GPC5: variants seen among roughly 807,000 people sequenced by gnomAD.
GPC5 encodes the protein glypican 5, also known as glypican-5.
Under a neutral mutation model 53.9 loss-of-function variants are expected in GPC5, and 47 were observed. The ratio of observed to expected loss-of-function variants is 0.87; its 90% CI spans 0.69 to 1.11. The LOEUF (loss-of-function observed/expected upper bound fraction) is 1.11. Ranked by LOEUF, GPC5 falls within the 50% of genes most tolerant of loss-of-function variation. GPC5 has a pLI of 0.00. For synonymous variants in GPC5, 286 were observed against 263.3 expected (o/e 1.09, Z -0.84); for missense variants, 748 against 713.1 (o/e 1.05, Z -0.56).
At chr13:91,416,098 G>C (rs1249980315) in intron 1 of GPC5, among the ~76,000 whole-genome samples, 3 of 152,002 alleles carry the variant, frequency 2.0e-5, no homozygotes, top group African/African-American at 4.8e-5. Flanking sequence ...CAGTGTAGCA[G>C]AGGTGGGAGG....
At chr13:92,039,861 C>T (rs1488421741) in intron 6 of GPC5, among the ~76,000 whole-genome samples, 1 of 152,082 alleles carries the variant, frequency 6.6e-6, no homozygotes, top group Non-Finnish European at 1.5e-5. Context: ...CCTTAATTAC[C>T]TCTTTAAAGG....
chr13:92,584,949 C>A (rs1019123990), intron 7 of GPC5, among the ~76,000 whole-genome samples: 2 of 152,108 alleles, frequency 1.3e-5, no homozygotes, highest in Non-Finnish European at 2.9e-5. Flanking sequence ...GGTTTGGGAA[C>A]CTCCACCTAG....
chr13:91,478,466 A>G (rs1025288453), intron 2 of GPC5, among the ~76,000 whole-genome samples: 18 of 151,816 alleles, frequency 1.2e-4, no homozygotes, highest in Admixed American at 1.1e-3. Flanking sequence ...TATATATGCT[A>G]TTTATTTTGT....
At chr13:91,876,609 A>G (rs2039205011) in intron 5 of GPC5, among the ~76,000 whole-genome samples, 1 of 152,230 alleles carries the variant, frequency 6.6e-6, no homozygotes, top group Non-Finnish European at 1.5e-5. Flanking sequence ...CAAAGCATTC[A>G]AGATGTGACT....
At chr13:92,242,395 G>T (rs1375156125) in intron 7 of GPC5, among the ~76,000 whole-genome samples, 1 of 152,024 alleles carries the variant, frequency 6.6e-6, no homozygotes, top group Non-Finnish European at 1.5e-5. Flanking sequence ...ATTTTGACAT[G>T]CATTTATCTA....
intron 2 of GPC5, among the ~76,000 whole-genome samples, chr13:91,681,353 C>T (rs2035504572): frequency 6.6e-6 from 1 of 152,178 alleles, no homozygotes; most frequent in Non-Finnish European, 1.5e-5. Context: ...CTAGGAGACT[C>T]TGAATGTTGA....
At chr13:91,410,540 G>C (rs893551155) in intron 1 of GPC5, among the ~76,000 whole-genome samples, 2 of 151,398 alleles carry the variant, frequency 1.3e-5, no homozygotes, top group Non-Finnish European at 2.9e-5. Flanking sequence ...TAGAGACGGG[G>C]TTTCACTGTG....
At chr13:92,554,973 C>G (rs1394360402) in intron 7 of GPC5, among the ~76,000 whole-genome samples, 7 of 148,632 alleles carry the variant, frequency 4.7e-5, no homozygotes, top group African/African-American at 1.7e-4. Context: ...TGTTCTGGCA[C>G]TGTTTAAAAT....
chr13:91,399,272 G>T, intron 1 of GPC5, 63 bp downstream of exon 1: 1 of 1,556,298 alleles, frequency 6.4e-7, no homozygotes, highest in Non-Finnish European at 8.7e-7. Flanking sequence ...GCTCCCCCAG[G>T]CTCCCTTGGT....
chr13:91,992,317 G>A (rs1187853865), intron 6 of GPC5, among the ~76,000 whole-genome samples: 1 of 152,140 alleles, frequency 6.6e-6, no homozygotes. Flanking sequence ...ATAGGTGCAA[G>A]CCACCATGCT....
chr13:91,827,748 G>C (rs2038596227), intron 5 of GPC5, among the ~76,000 whole-genome samples: 1 of 152,022 alleles, frequency 6.6e-6, no homozygotes, highest in South Asian at 2.1e-4. Flanking sequence ...TTGAAGTTTA[G>C]AATGATATAA....
intron 7 of GPC5, among the ~76,000 whole-genome samples, chr13:92,418,016 A>C (rs1876389886): frequency 6.6e-6 from 1 of 152,358 alleles, no homozygotes; most frequent in East Asian, 1.9e-4. Context: ...AACATGGATG[A>C]ATCTTGAAAA....
chr13:91,688,675 G>T lies in GPC5; in HGVS notation c.326-4512G>T, dbSNP rs554672393. ...GAGAAATACATCATTAGACAATTTC[G>T]CCATTGTGCAAATATAACAGACTAT... On this transcript the variant is annotated intron_variant, in intron 2 of 7. Coordinates refer to ENST00000377067, the MANE Select transcript of GPC5 (RefSeq NM_004466.6). Among the ~76,000 whole-genome samples the T allele has an allele frequency of 1.6e-3, 246 of 152,090 alleles. 1 individual carries two copies. The highest frequency in any genetic ancestry group is 3.1e-3 in the Non-Finnish European group (212 of 68,000).
intron 7 of GPC5, among the ~76,000 whole-genome samples, chr13:92,554,072 G>A (rs570082924): frequency 2.0e-4 from 31 of 151,942 alleles, no homozygotes; most frequent in Non-Finnish European, 2.5e-4. Flanking sequence ...ACAAGAGAAG[G>A]CAAAATAAAA....
At chr13:92,665,854 G>A (rs1243565238) in intron 7 of GPC5, among the ~76,000 whole-genome samples, 2 of 152,148 alleles carry the variant, frequency 1.3e-5, no homozygotes, top group African/African-American at 4.8e-5. Flanking sequence ...CACATAAGGT[G>A]ATATGTCTCC....
rs998082132 is a variant in GPC5 at position 92,745,349 on chromosome 13, C to T, written c.1562-120933C>T. Reference sequence around the variant, plus strand: ...ACACTGGGTGCATTTCTACAGCACACCTGGCACTTTTGAAAATGTTACATC... The same window carrying T: ...ACACTGGGTGCATTTCTACAGCACATCTGGCACTTTTGAAAATGTTACATC... On this transcript the variant is annotated intron_variant, in intron 7 of 7. Transcript: ENST00000377067. Among the ~76,000 whole-genome samples, 7 of 152,064 alleles carry T rather than the reference C, an allele frequency of 4.6e-5. No individual in the cohort carries two copies. The East Asian group carries it at 9.6e-4, about 21-fold the overall frequency.
intron 7 of GPC5, among the ~76,000 whole-genome samples, chr13:92,430,534 G>T (rs1256234169): frequency 6.6e-6 from 1 of 152,026 alleles, no homozygotes; most frequent in East Asian, 1.9e-4. Context: ...TCTGAGCCAG[G>T]GTGGGAGTGG....
chr13:91,803,546 C>T (rs1383798914), intron 5 of GPC5, among the ~76,000 whole-genome samples: 1 of 152,042 alleles, frequency 6.6e-6, no homozygotes, highest in African/African-American at 2.4e-5. Context: ...AAAAGTTGCT[C>T]TCCACAATAC....
rs192656834 is a variant in GPC5, at chr13:91,813,877, G to A, written c.1280+57457G>A. 1.5e-4 allele frequency among the ~76,000 whole-genome samples: 23 copies of A among 148,550 alleles called. 1 individual carries two copies. Among genetic ancestry groups the A allele is most frequent in the Admixed American group, 1.3e-3 (19 of 14,968 alleles). ...TTAAATCTTGTTCATGTGTACACTG[G>A]TTTTGATAAGATAATATTTAGACTG... On this transcript the variant is annotated intron_variant, in intron 5 of 7. Transcript: ENST00000377067.
Sources: gnomAD v4.1 joint callset for allele counts (sites outside exome capture counted in the v4.1 genomes callset) on GRCh38, gnomAD v4.1.1 for gene constraint, MANE v1.5 for transcripts, NCBI Gene and HGNC (gene_info 2026-07-23, HGNC 2026-07-21) for gene names.